Variants in LIN52 observed in about 807,000 individuals in gnomAD.
The protein encoded by LIN52 is lin-52 DREAM MuvB core complex component, also known as protein lin-52 homolog.
Under a neutral mutation model 18.5 loss-of-function variants are expected in LIN52, and 4 were observed. The observed-to-expected ratio is 0.22, with a 90% confidence interval of 0.11 to 0.49. The LOEUF is 0.49. LIN52 is among the 20% of genes least tolerant of loss of function. LIN52 has a pLI of 0.97. For missense variants in LIN52, 102 were observed against 139.5 expected (o/e 0.73, Z 1.35); for synonymous variants, 34 against 45.5 (o/e 0.75, Z 1.02).
intron 5 of LIN52, among the ~76,000 whole-genome samples, chr14:74,111,564 A>G (rs1296477678): frequency 6.6e-6 from 1 of 151,336 alleles, no homozygotes; most frequent in Non-Finnish European, 1.5e-5. Flanking sequence ...AGCCTCCCAA[A>G]GCACTGGGAT....
At position 74,097,771 on chromosome 14, in the gene LIN52, A is replaced by G. The variant is rs2060824739; in HGVS notation, c.133-23A>G. ...CTCCTCACACTTTTTATGTGTCTGA[A>G]TGGATATATTATTTTTTGACAGCCT... On this transcript the variant is annotated intron_variant, in intron 3 of 5. Coordinates refer to ENST00000555028, the MANE Select transcript of LIN52 (RefSeq NM_001024674.3). 6.5e-6 allele frequency: 10 copies of G among 1,548,822 alleles called. 1 individual carries two copies. In the East Asian group the frequency reaches 2.0e-4, roughly 31 times the overall value.
intron 5 of LIN52, among the ~76,000 whole-genome samples, chr14:74,181,435 C>CAAA (rs35376861): frequency 9.2e-6 from 1 of 108,424 alleles, no homozygotes; most frequent in Non-Finnish European, 1.9e-5. Context: ...AAGACCCTGT[C>CAAA]AAAAAAAAAA....
At chr14:74,180,688 CCTT>C (rs2061314678) in intron 5 of LIN52, among the ~76,000 whole-genome samples, 2 of 152,292 alleles carry the variant, frequency 1.3e-5, no homozygotes, top group Admixed American at 6.5e-5. Context: ...AGAACTCTAA[CCTT>C]CTGATTTTGA....
chr14:74,126,338 G>C (rs147242612), intron 5 of LIN52, among the ~76,000 whole-genome samples: 1,530 of 152,278 alleles, frequency 0.01, 23 homozygotes, highest in Admixed American at 0.03. Context: ...TCTTCAAAAG[G>C]TTAAAAGGTA....
chr14:74,140,661 C>T (rs1372482063), intron 5 of LIN52, among the ~76,000 whole-genome samples: 3 of 152,176 alleles, frequency 2.0e-5, no homozygotes, highest in Non-Finnish European at 4.4e-5. Context: ...CCCAGTGGGG[C>T]GGTGCTTTAA....
At chr14:74,107,839 G>GT (rs1302954332) in intron 5 of LIN52, among the ~76,000 whole-genome samples, 7 of 151,900 alleles carry the variant, frequency 4.6e-5, no homozygotes, top group African/African-American at 1.2e-4. Context: ...GATACATTTG[G>GT]TTTTTTTCTC....
intron 5 of LIN52, among the ~76,000 whole-genome samples, chr14:74,151,134 CAG>C (rs1326559322): frequency 6.6e-6 from 1 of 151,966 alleles, no homozygotes; most frequent in African/African-American, 2.4e-5. Context: ...CAGTAGATGG[CAG>C]TATTCCCTTT....
chr14:74,140,795 A>T (rs1354530704), intron 5 of LIN52, among the ~76,000 whole-genome samples: 1 of 152,144 alleles, frequency 6.6e-6, no homozygotes, highest in Non-Finnish European at 1.5e-5. Flanking sequence ...ATAATAAGTA[A>T]TGTTAGTGAT....
At chr14:74,164,372 T>G (rs1566864698) in intron 5 of LIN52, among the ~76,000 whole-genome samples, 1 of 150,100 alleles carries the variant, frequency 6.7e-6, no homozygotes. Flanking sequence ...GCAACCTCTG[T>G]CTCCTGGGTT....
At chr14:74,130,904 G>A (rs2061062391) in intron 5 of LIN52, among the ~76,000 whole-genome samples, 1 of 151,170 alleles carries the variant, frequency 6.6e-6, no homozygotes, top group Non-Finnish European at 1.5e-5. Flanking sequence ...GCTTTTAATT[G>A]TAGAATTGAC....
intron 5 of LIN52, among the ~76,000 whole-genome samples, chr14:74,179,561 C>T (rs1194000031): frequency 4.0e-5 from 6 of 150,846 alleles, no homozygotes; most frequent in South Asian, 2.1e-4. Context: ...CGGGAGGCTG[C>T]GGCAGAATCG....
intron 5 of LIN52, among the ~76,000 whole-genome samples, chr14:74,190,388 A>ATTTTT (rs2061358409): frequency 1.6e-5 from 1 of 64,312 alleles, no homozygotes; most frequent in African/African-American, 5.6e-5. Context: ...TGCCTAAATA[A>ATTTTT]CTTTTTTTTT....
chr14:74,154,517 C>T (rs1338304027), intron 5 of LIN52, among the ~76,000 whole-genome samples: 1 of 152,182 alleles, frequency 6.6e-6, no homozygotes. Context: ...GCAGCCAGTC[C>T]TAATTCTGGC....
At chr14:74,186,181 C>T (rs779351990) in intron 5 of LIN52, among the ~76,000 whole-genome samples, 7 of 151,640 alleles carry the variant, frequency 4.6e-5, no homozygotes, top group African/African-American at 1.7e-4. Flanking sequence ...ATCCCAGCTA[C>T]TTGGGAAGGC....
At chr14:74,101,260 G>A in intron 5 of LIN52, 22 bp downstream of exon 5, 1 of 1,563,000 alleles carries the variant, frequency 6.4e-7, no homozygotes, top group African/African-American at 1.4e-5. Flanking sequence ...GATCGCATTT[G>A]TTCAGGGGTG....
At chr14:74,120,709 C>T (rs1056821711) in intron 5 of LIN52, among the ~76,000 whole-genome samples, 2 of 149,170 alleles carry the variant, frequency 1.3e-5, no homozygotes, top group Non-Finnish European at 3.0e-5. Context: ...GAGCCGAGAT[C>T]GTGCCATTGC....
chr14:74,117,254 A>G (rs536476111), intron 5 of LIN52, among the ~76,000 whole-genome samples: 1 of 152,362 alleles, frequency 6.6e-6, no homozygotes, highest in South Asian at 2.1e-4. Context: ...CTGTTGGGTC[A>G]TGGGCAAGAG....
chr14:74,125,826 G>C, intron 5 of LIN52, among the ~76,000 whole-genome samples: 1 of 144,882 alleles, frequency 6.9e-6, no homozygotes. Context: ...CTCATAGGTG[G>C]GAATTGAACA....
chr14:74,088,914 C>T (rs2060753044), intron 1 of LIN52, among the ~76,000 whole-genome samples: 1 of 152,042 alleles, frequency 6.6e-6, no homozygotes, highest in Admixed American at 6.6e-5. Flanking sequence ...GAAATGATGT[C>T]AAAGAATTAG....
Sources: allele counts gnomAD v4.1 joint callset (sites outside exome capture counted in the v4.1 genomes callset), GRCh38; gene constraint gnomAD v4.1.1; transcripts MANE v1.5; gene names NCBI Gene and HGNC (gene_info 2026-07-23, HGNC 2026-07-21).